EYS: variants seen among roughly 807,000 people sequenced by gnomAD.
EYS encodes EGF-like photoreceptor maintenance factor, also known as protein eyes shut homolog.
Under a neutral mutation model 282.1 loss-of-function variants are expected in EYS, and 250 were observed. That is an observed-to-expected ratio of 0.89 (90% CI 0.80 to 0.98). The LOEUF (loss-of-function observed/expected upper bound fraction) is 0.98, where lower values mean the gene tolerates loss of function less well. Among genes scored for constraint, EYS ranks in the 50% least tolerant of loss-of-function variants. EYS has a pLI of 0.00. For synonymous variants in EYS, 1,355 were observed against 1,282.9 expected, an observed-to-expected ratio of 1.06 and a Z score of -1.20; for missense variants, 4,016 against 3,709.0, an observed-to-expected ratio of 1.08 and a Z score of -2.15.
rs1193857270 is a variant in EYS, at chr6:64,480,782, C to G, written c.5645-41430G>C. Reference sequence around the variant, plus strand: ...TTACACAATCAACTTGTTAATTTGGCTGGCACTTATTCTACTGCTGTTACA... The same window carrying G: ...TTACACAATCAACTTGTTAATTTGGGTGGCACTTATTCTACTGCTGTTACA... On this transcript the variant is annotated intron_variant, in intron 26 of 42. Transcript: ENST00000503581. Among the ~76,000 whole-genome samples the G allele has an allele frequency of 4.6e-5, 7 of 151,798 alleles. No individual in the cohort carries two copies. In the East Asian group the frequency reaches 1.4e-3, roughly 29 times the overall value.
chr6:65,033,026 G>T (rs553952818), intron 13 of EYS, among the ~76,000 whole-genome samples: 90 of 152,176 alleles, frequency 5.9e-4, no homozygotes, highest in Non-Finnish European at 1.0e-3. Flanking sequence ...CCCTAGCAAA[G>T]AGCTTGACTG....
At chr6:64,065,217 C>T (rs1473182796) in intron 33 of EYS, among the ~76,000 whole-genome samples, 1 of 152,144 alleles carries the variant, frequency 6.6e-6, no homozygotes, top group Non-Finnish European at 1.5e-5. Flanking sequence ...GATTTTCAGA[C>T]TGATGCAGTT....
intron 36 of EYS, among the ~76,000 whole-genome samples, chr6:63,823,193 C>A (rs1037493926): frequency 6.6e-6 from 1 of 152,040 alleles, no homozygotes; most frequent in African/African-American, 2.4e-5. Flanking sequence ...TTTTCTCCCC[C>A]CTACAGGCAT....
At chr6:65,478,716 C>T (rs944109999) in intron 5 of EYS, among the ~76,000 whole-genome samples, 2 of 152,016 alleles carry the variant, frequency 1.3e-5, no homozygotes, top group African/African-American at 4.8e-5. Context: ...ACTGTTTCTA[C>T]TTGGAAGGGC....
chr6:65,049,192 C>T (rs1489719468), intron 13 of EYS, among the ~76,000 whole-genome samples: 1 of 151,738 alleles, frequency 6.6e-6, no homozygotes, highest in African/African-American at 2.4e-5. Flanking sequence ...TAATTTTCCC[C>T]AGATTAATGA....
intron 35 of EYS, among the ~76,000 whole-genome samples, chr6:63,871,299 T>C (rs1375888117): frequency 6.6e-6 from 1 of 152,186 alleles, no homozygotes; most frequent in East Asian, 1.9e-4. Flanking sequence ...ATATTATGTT[T>C]TAGAATTATT....
intron 31 of EYS, among the ~76,000 whole-genome samples, chr6:64,130,899 G>T (rs375634154): frequency 2.0e-5 from 3 of 152,096 alleles, no homozygotes; most frequent in African/African-American, 7.2e-5. Context: ...AAGGAGTCTC[G>T]CTCTGTCTCC....
intron 11 of EYS, among the ~76,000 whole-genome samples, chr6:65,308,122 ACATC>A (rs1384319670): frequency 1.8e-5 from 1 of 54,218 alleles, no homozygotes; most frequent in African/African-American, 7.3e-5. Flanking sequence ...GACTACAGGC[ACATC>A]CCACCACGCC....
chr6:64,189,130 A>C (rs2150315556), intron 31 of EYS, among the ~76,000 whole-genome samples: 1 of 125,462 alleles, frequency 8.0e-6, no homozygotes. Context: ...CCCTGTTTTG[A>C]GAATAGCTGT....
chr6:63,999,193 A>T lies in EYS; in HGVS notation c.6726-10T>A. ...AACAGGCGTTGTGTAGCTAAACGTAAAACAGAAGAGGCCATTATGATATGT... is the reference window on the plus strand; with the variant it reads ...AACAGGCGTTGTGTAGCTAAACGTATAACAGAAGAGGCCATTATGATATGT... On this transcript the variant is annotated splice_polypyrimidine_tract_variant and intron_variant, in intron 33 of 42. Transcript: ENST00000503581. The T allele has an allele frequency of 2.6e-6, 4 of 1,535,614 alleles. No homozygotes were observed. Among genetic ancestry groups the T allele is most frequent in the Non-Finnish European group, 3.5e-6 (4 of 1,132,424 alleles).
intron 22 of EYS, among the ~76,000 whole-genome samples, chr6:64,686,616 C>T (rs1488734270): frequency 1.3e-5 from 2 of 149,330 alleles, no homozygotes; most frequent in Admixed American, 6.7e-5. Context: ...TGGCCGGCCC[C>T]TGTAGTCCCA....
chr6:64,773,044 T>C (rs1773570962), intron 22 of EYS, among the ~76,000 whole-genome samples: 1 of 151,818 alleles, frequency 6.6e-6, no homozygotes, highest in Non-Finnish European at 1.5e-5. Context: ...AATTTGCATG[T>C]CACAAAGATT....
Position 65,405,499 on chromosome 6 carries a change from T to C in EYS, c.863-132A>G, listed in dbSNP as rs1024771447. 5 of 728,088 alleles carry C rather than the reference T, an allele frequency of 6.9e-6. No homozygotes were observed. The Admixed American group carries it at 1.4e-4, about 20-fold the overall frequency. 45.1% of individuals were successfully genotyped at this position (728,088 alleles called of 1,614,324 possible). On this transcript the variant is annotated intron_variant, in intron 5 of 42. Transcript: ENST00000503581. ...AAATATTTTTATTTAACAAATGTAT[T>C]GCAGTGTAAGTTATATATTATAAAA...
At chr6:64,871,162 T>G (rs1766584041) in intron 19 of EYS, among the ~76,000 whole-genome samples, 1 of 151,966 alleles carries the variant, frequency 6.6e-6, no homozygotes, top group Admixed American at 6.6e-5. Context: ...ATTGTGATTA[T>G]ACAATTATAT....
intron 12 of EYS, among the ~76,000 whole-genome samples, chr6:65,106,709 G>A (rs1351481518): frequency 6.6e-6 from 1 of 151,944 alleles, no homozygotes; most frequent in Non-Finnish European, 1.5e-5. Context: ...GACATTTTAT[G>A]TTCACCGTTT....
At chr6:65,606,942 G>A (rs9767048) in intron 2 of EYS, among the ~76,000 whole-genome samples, 68 of 151,376 alleles carry the variant, frequency 4.5e-4, no homozygotes, top group African/African-American at 1.6e-3. Context: ...AAATAATAAT[G>A]GGATATAATG....
intron 15 of EYS, among the ~76,000 whole-genome samples, chr6:64,938,971 A>C (rs923940215): frequency 6.6e-6 from 1 of 151,754 alleles, no homozygotes; most frequent in Non-Finnish European, 1.5e-5. Flanking sequence ...TACACCTAAA[A>C]AGGTGAATTG....
chr6:65,300,733 C>A lies in EYS; in HGVS notation c.1767-4614G>T, dbSNP rs186778808. 7.5e-4 allele frequency: 114 copies of A among 152,300 alleles called. 2 individuals are homozygous for A. The highest frequency in any genetic ancestry group is 2.6e-3 in the African/African-American group (107 of 41,558). The allele number at this position is 152,300 out of a possible 1,614,324, so 9.4% of individuals were successfully genotyped here. ...GACCTGGCTGATTTGTTTAAGAACT[C>A]TCTAATTCTCTCAGAGTCTGTATTC... On this transcript the variant is annotated intron_variant, in intron 11 of 42. Transcript: ENST00000503581.
chr6:64,874,022 A>G (rs1312083445), intron 19 of EYS, among the ~76,000 whole-genome samples: 1 of 152,018 alleles, frequency 6.6e-6, no homozygotes, highest in African/African-American at 2.4e-5. Context: ...TAGTACTTCA[A>G]AACTTTGATT....
Sources: gnomAD v4.1 joint callset for allele counts (sites outside exome capture counted in the v4.1 genomes callset) on GRCh38, gnomAD v4.1.1 for gene constraint, MANE v1.5 for transcripts, NCBI Gene and HGNC (gene_info 2026-07-23, HGNC 2026-07-21) for gene names.